The following MYH1 variants were observed in gnomAD, a reference collection of about 807,000 sequenced individuals.
The protein encoded by MYH1 is myosin heavy chain 1.
A neutral mutation model predicts 225.6 loss-of-function variants in MYH1; 214 were observed. The observed-to-expected ratio is 0.95, with a 90% CI of 0.85 to 1.06. MYH1 has a LOEUF of 1.06. MYH1 is among the 50% of genes least tolerant of loss of function. The pLI is 0.00. For missense variants in MYH1, 2,098 were observed against 2,344.2 expected (o/e 0.89, Z 2.17); for synonymous variants, 774 against 842.3 (o/e 0.92, Z 1.40).
chr17:10,509,700 A>G (rs752187547), intron 14 of MYH1, 45 bp from the exon 15 acceptor site: 6 of 1,614,126 alleles, frequency 3.7e-6, no homozygotes, highest in African/African-American at 2.7e-5. Flanking sequence ...TTATAATGAA[A>G]TCTTCTCTTT....
chr17:10,513,738 T>TGG (rs756102738), intron 8 of MYH1, 49 bp from the exon 9 acceptor site: 103 of 1,612,688 alleles, frequency 6.4e-5, no homozygotes, highest in Non-Finnish European at 8.1e-5. Flanking sequence ...AAGTACGTAG[T>TGG]GGGGATGCCA....
In MYH1 at chr17:10,495,067, T is replaced by C; in HGVS notation, c.5330A>G (p.Gln1777Arg). 1.9e-6 allele frequency: 3 copies of C among 1,614,238 alleles called. No homozygotes were observed. The highest frequency in any genetic ancestry group is 2.5e-6 in the Non-Finnish European group (3 of 1,180,042). The change falls in exon 37 of 40, where the codon CAG (glutamine) becomes CGG (arginine). Residue 1777 changes from glutamine (Q) to arginine (R), a missense_variant. Gln to Arg is a conservative substitution (Grantham distance 43). Transcript: ENST00000226207. The stretch of plus-strand genomic sequence containing the variant: ...CCGCTCCAGATGGGCGCTGGTGTCC[T>C]GTTCCTTCTTCAGCTCCTCAGCCAT... ...AMMAEELKKE[Q>R]DTSAHLERMK...
intron 30 of MYH1, 36 bp downstream of exon 30, chr17:10,498,590 A>G (rs778126128): frequency 1.2e-6 from 2 of 1,613,222 alleles, no homozygotes; most frequent in African/African-American, 2.7e-5. Flanking sequence ...GAGCAAGGAA[A>G]CTTATAGTTC....
rs934545239 is a variant in MYH1 at position 10,501,301 on chromosome 17, C to T, written c.3547G>A (p.Glu1183Lys). The change falls in exon 27 of 40, where the codon GAG becomes AAG. Residue 1183 changes from glutamate (E) to lysine (K), a missense_variant. Coordinates refer to ENST00000226207, the MANE Select transcript of MYH1 (RefSeq NM_005963.4). Reference sequence around the variant, plus strand: ...GCTTCATGCTGTAGGGTGGCCTCCTCCAGGTCCCTGCGCATTTTCTGGAAC... The same window carrying T: ...GCTTCATGCTGTAGGGTGGCCTCCTTCAGGTCCCTGCGCATTTTCTGGAAC... ...AEFQKMRRDL[E>K]EATLQHEATA... 2 of 1,614,102 alleles carry T rather than the reference C, an allele frequency of 1.2e-6. No homozygotes were observed. The highest frequency in any genetic ancestry group is 2.2e-5 in the East Asian group (1 of 44,888).
At position 10,502,255 on chromosome 17, in the gene MYH1, G is replaced by C. The variant is rs552607274; in HGVS notation, c.3112-344C>G. Among the ~76,000 whole-genome samples the C allele has an allele frequency of 2.0e-5, 3 of 152,304 alleles. 1 individual carries two copies. The South Asian group carries it at 6.2e-4, about 32-fold the overall frequency. ...CGCCTCCCTTACTCAGGCATTTTCA[G>C]TGGGTTCTCTATTAGATATCAGATC... On this transcript the variant is annotated intron_variant, in intron 24 of 39. Coordinates refer to ENST00000226207, the MANE Select transcript of MYH1 (RefSeq NM_005963.4).
At chr17:10,508,022 T>G (rs576877641) in intron 16 of MYH1, 66 bp from the exon 17 acceptor site, 30 of 1,360,992 alleles carry the variant, frequency 2.2e-5, no homozygotes, top group African/African-American at 5.9e-5. Flanking sequence ...TTTTTTGTTT[T>G]TTTTTGTTTT....
At chr17:10,498,953 A>G in intron 29 of MYH1, 21 bp downstream of exon 29, 1 of 1,604,812 alleles carries the variant, frequency 6.2e-7, no homozygotes. Flanking sequence ...AATAATGACA[A>G]GAATGACAAG....
At chr17:10,515,110 T>C (rs1414171350) in intron 5 of MYH1, among the ~76,000 whole-genome samples, 1 of 152,220 alleles carries the variant, frequency 6.6e-6, no homozygotes, top group Non-Finnish European at 1.5e-5. Context: ...TAGATTTCAA[T>C]GGCATGCTAT....
chr17:10,500,017 A>G (rs1322084345), intron 28 of MYH1, among the ~76,000 whole-genome samples: 1 of 152,134 alleles, frequency 6.6e-6, no homozygotes, highest in Admixed American at 6.5e-5. Flanking sequence ...AAATCTACAA[A>G]TCTTACTTGA....
At chr17:10,493,933 G>C (rs974106397) in intron 39 of MYH1, among the ~76,000 whole-genome samples, 1 of 152,154 alleles carries the variant, frequency 6.6e-6, no homozygotes, top group Non-Finnish European at 1.5e-5. Context: ...CCCAGTAACC[G>C]ATTCTTTACA....
At chr17:10,512,842 T>C in intron 10 of MYH1, 25 bp downstream of exon 10, 1 of 1,606,394 alleles carries the variant, frequency 6.2e-7, no homozygotes, top group South Asian at 1.1e-5. Context: ...AGTGACAATC[T>C]TCTAGCTATG....
Position 10,502,875 on chromosome 17 carries a change from T to C in MYH1, c.2974A>G (p.Thr992Ala). 3.7e-6 allele frequency: 6 copies of C among 1,613,952 alleles called. No homozygotes were observed. The African/African-American group carries it at 6.7e-5, about 18-fold the overall frequency. The change falls in exon 24 of 40, where the codon ACC becomes GCC. Residue 992 changes from threonine to alanine, a missense_variant. Transcript: ENST00000226207. Reference protein sequence around the residue: ...LTEEMAGLDETIAKLTKEKKA... With the variant: ...LTEEMAGLDEAIAKLTKEKKA... ...TTCTCCTTGGTCAGCTTAGCAATGG[T>C]TTCATCCAGACCCGCCATCTCTTCT...
intron 14 of MYH1, among the ~76,000 whole-genome samples, chr17:10,511,263 A>T (rs568978059): frequency 6.6e-6 from 1 of 151,808 alleles, no homozygotes; most frequent in Non-Finnish European, 1.5e-5. Flanking sequence ...TAGGCAGACA[A>T]ATTTGAGTTT....
chr17:10,512,680 C>T lies in MYH1; in HGVS notation c.1008+1G>A. Reference sequence around the variant, plus strand: ...TAAATTAAAATTCATGTATAACTTACATCTGTAGCCATCAACTCTTCTTGG... The same window carrying T: ...TAAATTAAAATTCATGTATAACTTATATCTGTAGCCATCAACTCTTCTTGG... On this transcript the variant is annotated splice_donor_variant, in intron 11 of 39. Transcript: ENST00000226207. LOFTEE classifies it high-confidence loss of function. 1.9e-6 allele frequency: 3 copies of T among 1,613,746 alleles called. No homozygotes were observed. Among genetic ancestry groups the T allele is most frequent in the South Asian group, 1.1e-5 (1 of 91,076 alleles).
chr17:10,504,709 C>G (rs2073091447), intron 22 of MYH1, 101 bp downstream of exon 22: 3 of 1,318,372 alleles, frequency 2.3e-6, no homozygotes, highest in East Asian at 2.4e-5. Context: ...ATTAAAGATT[C>G]ATAATCTGTC....
At chr17:10,504,731 A>G (rs2073091581) in intron 22 of MYH1, 79 bp downstream of exon 22, 7 of 1,480,812 alleles carry the variant, frequency 4.7e-6, no homozygotes, top group Non-Finnish European at 6.5e-6. Flanking sequence ...CTTATTTGGT[A>G]GAATCTAGAT....
At chr17:10,498,368 T>A (rs1854912010) in intron 30 of MYH1, among the ~76,000 whole-genome samples, 1 of 152,252 alleles carries the variant, frequency 6.6e-6, no homozygotes, top group African/African-American at 2.4e-5. Flanking sequence ...AAATGAAATA[T>A]ACTTGATTTT....
chr17:10,494,091 G>A (rs530864402), intron 39 of MYH1, among the ~76,000 whole-genome samples: 18 of 152,306 alleles, frequency 1.2e-4, no homozygotes, highest in African/African-American at 3.6e-4. Context: ...TCCAGTCCCA[G>A]TTGTGGTGCT....
intron 22 of MYH1, among the ~76,000 whole-genome samples, chr17:10,504,105 T>C (rs2073084841): frequency 6.6e-6 from 1 of 152,240 alleles, no homozygotes; most frequent in Non-Finnish European, 1.5e-5. Context: ...TAACTTTTAA[T>C]GTTTCTGCTG....
Sources: gnomAD v4.1 joint callset for allele counts (sites outside exome capture counted in the v4.1 genomes callset) on GRCh38, gnomAD v4.1.1 for gene constraint, MANE v1.5 for transcripts, NCBI Gene and HGNC (gene_info 2026-07-23, HGNC 2026-07-21) for gene names.